The following VOPP1 variants were observed in gnomAD, a reference collection of about 807,000 sequenced individuals.
VOPP1 encodes the protein WW domain binding protein VOPP1.
In VOPP1, 8 loss-of-function variants were observed where a neutral mutation model predicts 23.5. The observed-to-expected ratio is 0.34, with a 90% CI of 0.20 to 0.61. VOPP1 has a LOEUF of 0.61. Among genes scored for constraint, VOPP1 ranks in the 20% least tolerant of loss-of-function variants. The pLI is 0.78. For synonymous variants in VOPP1, 83 were observed against 97.3 expected, an observed-to-expected ratio of 0.85 and a Z score of 0.86; for missense variants, 174 against 238.1, an observed-to-expected ratio of 0.73 and a Z score of 1.77.
chr7:55,520,499 T>C (rs1795767119), intron 2 of VOPP1, among the ~76,000 whole-genome samples: 1 of 151,892 alleles, frequency 6.6e-6, no homozygotes, highest in African/African-American at 2.4e-5. Context: ...AGGAAGAAAA[T>C]GCAGCAATGC....
In VOPP1 at chr7:55,538,673, A is replaced by C. The variant is rs960394026; in HGVS notation, c.55-17543T>G. On this transcript the variant is annotated intron_variant, in intron 1 of 4. Coordinates refer to ENST00000285279, the MANE Select transcript of VOPP1 (RefSeq NM_030796.5). ...CGCTGAGCATTGTGTGTAATGACAAAAACAGCTACAAACTACTTAGCTGTT... is the reference window on the plus strand; with the variant it reads ...CGCTGAGCATTGTGTGTAATGACAACAACAGCTACAAACTACTTAGCTGTT... 7 of 1,535,770 alleles carry C rather than the reference A, an allele frequency of 4.6e-6. No homozygotes were observed. The Admixed American group carries it at 9.8e-5, about 22-fold the overall frequency.
chr7:55,504,039 G>C (rs1240697076), intron 2 of VOPP1, among the ~76,000 whole-genome samples: 1 of 152,186 alleles, frequency 6.6e-6, no homozygotes, highest in African/African-American at 2.4e-5. Flanking sequence ...AGAGTTGGTG[G>C]GGACTGTAAC....
intron 1 of VOPP1, among the ~76,000 whole-genome samples, chr7:55,532,991 T>A (rs1038535107): frequency 6.6e-6 from 1 of 152,012 alleles, no homozygotes; most frequent in Non-Finnish European, 1.5e-5. Context: ...AGAAAGAGAG[T>A]CAGTTCCACG....
chr7:55,452,810 T>C (rs1320215428), intron 4 of VOPP1, among the ~76,000 whole-genome samples: 1 of 152,206 alleles, frequency 6.6e-6, no homozygotes, highest in Non-Finnish European at 1.5e-5. Context: ...CATCCAAGCT[T>C]TGTTGTTCCA....
At chr7:55,563,338 T>C (rs564154011) in intron 1 of VOPP1, among the ~76,000 whole-genome samples, 3 of 152,324 alleles carry the variant, frequency 2.0e-5, no homozygotes, top group African/African-American at 7.2e-5. Flanking sequence ...TTTAAAAAAA[T>C]CAGTATCAAA....
chr7:55,531,604 G>A (rs892107213), intron 1 of VOPP1, among the ~76,000 whole-genome samples: 10 of 152,122 alleles, frequency 6.6e-5, no homozygotes, highest in East Asian at 1.9e-4. Context: ...CGCCCACCTC[G>A]GCCTCCCAAA....
chr7:55,500,136 T>C (rs141794994), intron 2 of VOPP1, among the ~76,000 whole-genome samples: 1,674 of 152,270 alleles, frequency 0.011, 12 homozygotes, highest in Middle Eastern at 0.02. Context: ...GAAGGCAGAA[T>C]GCAACCATGG....
At chr7:55,533,798 T>C (rs1230695198) in intron 1 of VOPP1, among the ~76,000 whole-genome samples, 1 of 152,190 alleles carries the variant, frequency 6.6e-6, no homozygotes, top group Admixed American at 6.5e-5. Context: ...GGGGTGAACT[T>C]CGATGATGTT....
Position 55,533,292 on chromosome 7 carries a change from G to A in VOPP1, c.55-12162C>T, listed in dbSNP as rs116848945. On this transcript the variant is annotated intron_variant, in intron 1 of 4. Coordinates refer to ENST00000285279, the MANE Select transcript of VOPP1 (RefSeq NM_030796.5). ...GGGTGCATGCAAGGGGCAGTGTGGT[G>A]CTCTTGAAAGGCAGTGCCCAAGGAC... Among the ~76,000 whole-genome samples, 104 of 152,284 alleles carry A rather than the reference G, an allele frequency of 6.8e-4. 1 individual carries two copies. The East Asian group carries it at 0.019, about 27-fold the overall frequency.
intron 1 of VOPP1, among the ~76,000 whole-genome samples, chr7:55,566,712 C>T (rs180903454): frequency 8.9e-4 from 135 of 152,344 alleles, no homozygotes; most frequent in Non-Finnish European, 1.6e-3. Context: ...CCCTGATTCA[C>T]ATGGATTAAT....
chr7:55,485,661 C>G (rs1793081822), intron 4 of VOPP1, among the ~76,000 whole-genome samples: 1 of 152,218 alleles, frequency 6.6e-6, no homozygotes, highest in African/African-American at 2.4e-5. Context: ...CACTGTGACG[C>G]CACACAGGGC....
intron 4 of VOPP1, among the ~76,000 whole-genome samples, chr7:55,491,064 T>C (rs1370194710): frequency 6.6e-6 from 1 of 152,184 alleles, no homozygotes; most frequent in Non-Finnish European, 1.5e-5. Flanking sequence ...TTTATTGAGG[T>C]CTGACTGACA....
intron 3 of VOPP1, 43 bp downstream of exon 3, chr7:55,497,570 G>GGGC: frequency 4.1e-6 from 5 of 1,220,544 alleles, no homozygotes; most frequent in East Asian, 3.0e-5. Context: ...GGGGGGGGGG[G>GGGC]CAGAGCTCTC....
chr7:55,511,781 T>G (rs1231968995), intron 2 of VOPP1, among the ~76,000 whole-genome samples: 1 of 152,238 alleles, frequency 6.6e-6, no homozygotes. Flanking sequence ...CTTACATATA[T>G]TGATGATATC....
chr7:55,493,829 G>T (rs535423262), intron 3 of VOPP1, among the ~76,000 whole-genome samples: 1 of 152,284 alleles, frequency 6.6e-6, no homozygotes, highest in Non-Finnish European at 1.5e-5. Flanking sequence ...GTGTGTGATT[G>T]GGTAAAATAT....
intron 1 of VOPP1, among the ~76,000 whole-genome samples, chr7:55,530,521 G>A (rs1796439094): frequency 6.6e-6 from 1 of 152,136 alleles, no homozygotes; most frequent in Non-Finnish European, 1.5e-5. Flanking sequence ...GAATTGACTT[G>A]CAAAGGTGAC....
At chr7:55,572,149 C>A (rs1798386396) in intron 1 of VOPP1, 122 bp downstream of exon 1, 1 of 719,394 alleles carries the variant, frequency 1.4e-6, no homozygotes, top group South Asian at 2.1e-5. Flanking sequence ...GCTGTGGCTC[C>A]CCGTCGCTCC....
chr7:55,534,232 C>G (rs1371082218), intron 1 of VOPP1, among the ~76,000 whole-genome samples: 1 of 150,078 alleles, frequency 6.7e-6, no homozygotes, highest in East Asian at 2.0e-4. Flanking sequence ...ACTTAATAGA[C>G]AGACATTCCT....
intron 4 of VOPP1, among the ~76,000 whole-genome samples, chr7:55,450,407 TAAATC>T (rs1437648193): frequency 1.3e-5 from 2 of 152,136 alleles, no homozygotes; most frequent in Non-Finnish European, 2.9e-5. Context: ...CACTGTCCAG[TAAATC>T]ACTCACCAGC....
Sources: gnomAD v4.1 joint callset for allele counts (sites outside exome capture counted in the v4.1 genomes callset) on GRCh38, gnomAD v4.1.1 for gene constraint, MANE v1.5 for transcripts, NCBI Gene and HGNC (gene_info 2026-07-23, HGNC 2026-07-21) for gene names.